ATG7: variants seen among roughly 807,000 people sequenced by gnomAD.
The protein encoded by ATG7 is ubiquitin-like modifier-activating enzyme ATG7.
Under a neutral mutation model 82.4 loss-of-function variants are expected in ATG7, and 70 were observed. The observed-to-expected ratio is 0.85, with a 90% CI of 0.70 to 1.04. ATG7 has a LOEUF of 1.04. Ranked by LOEUF, ATG7 falls within the 50% of genes least tolerant of loss-of-function variation. ATG7 has a pLI of 0.00. For missense variants in ATG7, 792 were observed against 864.3 expected, an observed-to-expected ratio of 0.92 and a Z score of 1.05; for synonymous variants, 287 against 313.0, an observed-to-expected ratio of 0.92 and a Z score of 0.88.
chr3:11,373,250 C>T (rs1230499152), intron 18 of ATG7, among the ~76,000 whole-genome samples: 1 of 140,584 alleles, frequency 7.1e-6, no homozygotes, highest in Non-Finnish European at 1.6e-5. Flanking sequence ...TTTGATATCA[C>T]TTTATAAAGC....
rs111782118 is a variant in ATG7, at chr3:11,283,758, C to G, written c.-11+1320C>G. On this transcript the variant is annotated intron_variant, in intron 3 of 20. Coordinates refer to ENST00000693202, the MANE Select transcript of ATG7 (RefSeq NM_001349232.2). ...TTTGAGACCAGCCTGGCCAACAAAG[C>G]AAAACCCTACTAAAAATACAAATAT... 5.6e-3 allele frequency among the ~76,000 whole-genome samples: 848 copies of G among 152,086 alleles called. 4 individuals carry two copies. Among genetic ancestry groups the G allele is most frequent in the African/African-American group, 0.019 (807 of 41,510 alleles).
At chr3:11,415,956 T>C (rs139028903) in intron 19 of ATG7, among the ~76,000 whole-genome samples, 1 of 152,312 alleles carries the variant, frequency 6.6e-6, no homozygotes, top group African/African-American at 2.4e-5. Flanking sequence ...AACATGGAAG[T>C]AATGTTGTTG....
At chr3:11,451,510 A>C (rs1467131984) in intron 20 of ATG7, among the ~76,000 whole-genome samples, 1 of 152,106 alleles carries the variant, frequency 6.6e-6, no homozygotes, top group Non-Finnish European at 1.5e-5. Context: ...TCAGCACATG[A>C]GACAGGGCAC....
At chr3:11,537,074 C>T (rs2070375908) in intron 20 of ATG7, among the ~76,000 whole-genome samples, 1 of 152,150 alleles carries the variant, frequency 6.6e-6, no homozygotes, top group African/African-American at 2.4e-5. Flanking sequence ...TCCCTCTGCA[C>T]AGGGCCTCAC....
In ATG7 at chr3:11,375,047, A is replaced by G. The variant is rs1255839773; in HGVS notation, c.1876-4925A>G. ...CGAGACCTCATCTCTCTTAAAAAAAAAAAAAAAAATCAAAAGAATTAGCTG... is the reference window on the plus strand; with the variant it reads ...CGAGACCTCATCTCTCTTAAAAAAAGAAAAAAAAATCAAAAGAATTAGCTG... On this transcript the variant is annotated intron_variant, in intron 18 of 20. Coordinates refer to ENST00000693202, the MANE Select transcript of ATG7 (RefSeq NM_001349232.2). Among the ~76,000 whole-genome samples the G allele has an allele frequency of 1.3e-5, 2 of 151,846 alleles. 1 individual carries two copies. Among genetic ancestry groups the G allele is most frequent in the African/African-American group, 4.8e-5 (2 of 41,312 alleles).
chr3:11,469,313 G>A (rs1204948645), intron 20 of ATG7, among the ~76,000 whole-genome samples: 2 of 152,182 alleles, frequency 1.3e-5, no homozygotes, highest in East Asian at 1.9e-4. Flanking sequence ...GCCAGGCGTA[G>A]TGGCGCATGC....
At chr3:11,538,874 C>CAAAAA (rs60200228) in intron 20 of ATG7, among the ~76,000 whole-genome samples, 79,353 of 139,746 alleles carry the variant, frequency 0.57, 22,741 homozygotes, top group Non-Finnish European at 0.59. Context: ...ACTCTTGTCT[C>CAAAAA]AAAAAAAAAG....
intron 20 of ATG7, among the ~76,000 whole-genome samples, chr3:11,513,520 C>T (rs1475623606): frequency 6.6e-6 from 1 of 152,192 alleles, no homozygotes; most frequent in Non-Finnish European, 1.5e-5. Context: ...GCTGGCAGGG[C>T]CAGCCGGCCG....
chr3:11,542,970 A>G (rs779602821), intron 20 of ATG7, among the ~76,000 whole-genome samples: 1 of 151,982 alleles, frequency 6.6e-6, no homozygotes, highest in Non-Finnish European at 1.5e-5. Context: ...GGGGGATGGA[A>G]TGCCTCTGGA....
At position 11,442,739 on chromosome 3, in the gene ATG7, C is replaced by CCAAAAAAAAAAAAA. The variant is rs1553668928; in HGVS notation, c.2079+15813_2079+15814insCAAAAAAAAAAAAA. Among the ~76,000 whole-genome samples, 82 of 69,248 alleles carry CCAAAAAAAAAAAAA rather than the reference C, an allele frequency of 1.2e-3. 18 individuals carry two copies. The highest frequency in any genetic ancestry group is 3.4e-3 in the Admixed American group (14 of 4,126). The allele number at this position is 69,248 out of a possible 152,430, so 45.4% of individuals were successfully genotyped here. ...GCAGCATAGTGAGACTCCATCTCTA[C>CCAAAAAAAAAAAAA]AAAAAAAAAAAAAAAAAAAAAAAAA... is the stretch of plus-strand genomic sequence containing the variant. On this transcript the variant is annotated intron_variant, in intron 20 of 20. Coordinates refer to ENST00000693202, the MANE Select transcript of ATG7 (RefSeq NM_001349232.2).
downstream of ATG7, chr3:11,558,617 T>C (rs778879842): frequency 1.2e-6 from 2 of 1,607,766 alleles, no homozygotes; most frequent in African/African-American, 1.3e-5. Context: ...GCTGGCGGGC[T>C]GGCCCCTGCG....
intron 19 of ATG7, among the ~76,000 whole-genome samples, chr3:11,385,429 G>T (rs2078246467): frequency 6.6e-6 from 1 of 152,240 alleles, no homozygotes; most frequent in Admixed American, 6.5e-5. Flanking sequence ...GATTTGAAAG[G>T]AATGGTTAAA....
At chr3:11,414,492 AACAG>A (rs1299652716) in intron 19 of ATG7, among the ~76,000 whole-genome samples, 1 of 152,214 alleles carries the variant, frequency 6.6e-6, no homozygotes, top group African/African-American at 2.4e-5. Context: ...GTCATCTATG[AACAG>A]ACAGTTTTAT....
intron 5 of ATG7, among the ~76,000 whole-genome samples, chr3:11,302,389 A>T (rs1049788194): frequency 6.6e-6 from 1 of 152,124 alleles, no homozygotes; most frequent in African/African-American, 2.4e-5. Context: ...ATTCCAAATT[A>T]TTTCCTTTAT....
chr3:11,378,953 G>A (rs1287859334), intron 18 of ATG7, among the ~76,000 whole-genome samples: 1 of 152,094 alleles, frequency 6.6e-6, no homozygotes, highest in Non-Finnish European at 1.5e-5. Flanking sequence ...TCAAGTGAGA[G>A]TGTTAAAGTT....
At chr3:11,388,710 G>A (rs2152864826) in intron 19 of ATG7, among the ~76,000 whole-genome samples, 1 of 152,002 alleles carries the variant, frequency 6.6e-6, no homozygotes, top group Admixed American at 6.6e-5. Flanking sequence ...TTACAGGTGT[G>A]AGCCACTGCG....
chr3:11,414,667 A>T (rs1231822052), intron 19 of ATG7, among the ~76,000 whole-genome samples: 1 of 152,156 alleles, frequency 6.6e-6, no homozygotes, highest in Non-Finnish European at 1.5e-5. Context: ...CTGGTTTTTC[A>T]TCCACCATTA....
intron 20 of ATG7, 93 bp from the exon 21 acceptor site, chr3:11,554,718 G>A: frequency 6.8e-7 from 1 of 1,467,444 alleles, no homozygotes. Context: ...CTGCAGGTGG[G>A]AGCTGCCATG....
At chr3:11,453,204 G>T (rs1033367145) in intron 20 of ATG7, among the ~76,000 whole-genome samples, 1 of 150,176 alleles carries the variant, frequency 6.7e-6, no homozygotes, top group African/African-American at 2.4e-5. Context: ...GAGAACAGAC[G>T]GGGGGCGTGG....
Sources: gnomAD v4.1 joint callset for allele counts (sites outside exome capture counted in the v4.1 genomes callset) on GRCh38, gnomAD v4.1.1 for gene constraint, MANE v1.5 for transcripts, NCBI Gene and HGNC (gene_info 2026-07-23, HGNC 2026-07-21) for gene names.